The following FRMPD4 variants were observed in gnomAD, a reference collection of about 807,000 sequenced individuals.
FRMPD4 encodes the protein FERM and PDZ domain-containing protein 4.
In FRMPD4, 22 loss-of-function variants were observed where a neutral mutation model predicts 94.1. The ratio of observed to expected loss-of-function variants is 0.23; its 90% confidence interval spans 0.17 to 0.33. The LOEUF (loss-of-function observed/expected upper bound fraction) is 0.33, where lower values mean the gene tolerates loss of function less well. Among genes scored for constraint, FRMPD4 ranks in the 10% least tolerant of loss-of-function variants. FRMPD4 has a pLI of 1.00. For synonymous variants in FRMPD4, 631 were observed against 548.6 expected, an observed-to-expected ratio of 1.15 and a Z score of -2.10; for missense variants, 1,111 against 1,339.9, an observed-to-expected ratio of 0.83 and a Z score of 2.67.
At chrX:12,206,763 C>G (rs973346113) in intron 1 of FRMPD4, among the ~76,000 whole-genome samples, 3 of 111,857 alleles carry the variant, frequency 2.7e-5, no homozygotes, top group African/African-American at 9.7e-5. Context: ...AATGTTGACC[C>G]TGGGTGCATT....
At chrX:12,479,559 T>C (rs2148191995) in intron 1 of FRMPD4, among the ~76,000 whole-genome samples, 1 of 106,451 alleles carries the variant, frequency 9.4e-6, no homozygotes, top group Non-Finnish European at 1.9e-5. Flanking sequence ...TGGAGTGCAG[T>C]GGCACAATCA....
Position 11,860,429 on chromosome X carries a change from T to C in FRMPD4, c.-160-4657T>C, listed in dbSNP as rs1406558213. On this transcript the variant is annotated intron_variant, in intron 1 of 18. Transcript: ENST00000640291. The stretch of plus-strand genomic sequence containing the variant: ...TCAGGTGGTGTTTGCAATCTTGATT[T>C]ATCCCTTGCTAAGCAGAATTTTGAT... 2.7e-5 allele frequency among the ~76,000 whole-genome samples: 3 copies of C among 112,091 alleles called. No homozygotes were observed. In the South Asian group the frequency reaches 1.1e-3, roughly 41 times the overall value.
At chrX:12,241,452 G>A (rs1019025685) in intron 1 of FRMPD4, among the ~76,000 whole-genome samples, 1 of 112,294 alleles carries the variant, frequency 8.9e-6, no homozygotes, top group South Asian at 3.7e-4. Flanking sequence ...TCGAGATTTC[G>A]TGGTGAAAGC....
intron 5 of FRMPD4, among the ~76,000 whole-genome samples, chrX:12,676,895 A>C (rs1287644773): frequency 8.9e-6 from 1 of 111,983 alleles, no homozygotes. Flanking sequence ...CTCCAGAGTC[A>C]CTTTCCCCTT....
At chrX:12,585,281 C>T (rs771633103) in intron 2 of FRMPD4, among the ~76,000 whole-genome samples, 36 of 109,085 alleles carry the variant, frequency 3.3e-4, no homozygotes, top group African/African-American at 1.1e-3. Flanking sequence ...GAGTGCAGGG[C>T]GCGATCTCAG....
intron 1 of FRMPD4, among the ~76,000 whole-genome samples, chrX:12,396,966 C>G (rs371807828): frequency 9.0e-6 from 1 of 111,697 alleles, no homozygotes; most frequent in East Asian, 2.8e-4. Context: ...TGTTCATAAA[C>G]TGATCAAGAA....
chrX:11,950,889 C>T (rs2054218569), intron 3 of FRMPD4, among the ~76,000 whole-genome samples: 1 of 109,749 alleles, frequency 9.1e-6, no homozygotes, highest in Non-Finnish European at 1.9e-5. Context: ...GAAACCCTGT[C>T]TTTACTAAAA....
At chrX:11,914,433 A>G (rs61746274) in intron 3 of FRMPD4, among the ~76,000 whole-genome samples, 33,190 of 108,649 alleles carry the variant, frequency 0.31, 4,290 homozygotes, top group East Asian at 0.69. Context: ...AGAAGGGACC[A>G]TGGCAATTGT....
intron 1 of FRMPD4, among the ~76,000 whole-genome samples, chrX:12,440,600 A>C (rs1331458161): frequency 9.0e-6 from 1 of 111,336 alleles, no homozygotes; most frequent in Non-Finnish European, 1.9e-5. Flanking sequence ...TCTCTCTAGT[A>C]ATTGGCAATG....
rs757689351 is a variant in FRMPD4, at chrX:12,207,269, C to T, written c.41+68257C>T. The stretch of plus-strand genomic sequence containing the variant: ...CCTCACAATTTTTTTTATGAATATT[C>T]TATTTTAAAACCTATTAAGCCCCAA... On this transcript the variant is annotated intron_variant, in intron 1 of 16. Coordinates refer to ENST00000675598, the MANE Select transcript of FRMPD4 (RefSeq NM_001368397.1). 3.0e-4 allele frequency among the ~76,000 whole-genome samples: 33 copies of T among 111,402 alleles called. No individual in the cohort carries two copies. The South Asian group carries it at 0.012, about 39-fold the overall frequency.
chrX:11,974,906 A>G (rs2054359239), intron 3 of FRMPD4, among the ~76,000 whole-genome samples: 1 of 111,554 alleles, frequency 9.0e-6, no homozygotes, highest in Non-Finnish European at 1.9e-5. Context: ...CACTGAGTCA[A>G]AGAAGCTAGA....
At chrX:12,201,156 T>C (rs1228512167) in intron 1 of FRMPD4, among the ~76,000 whole-genome samples, 1 of 112,325 alleles carries the variant, frequency 8.9e-6, no homozygotes, top group East Asian at 2.8e-4. Flanking sequence ...TGTTTAAAAG[T>C]GTGGAATGAA....
intron 1 of FRMPD4, among the ~76,000 whole-genome samples, chrX:12,252,734 G>T (rs148239421): frequency 1.1e-3 from 118 of 111,631 alleles, no homozygotes; most frequent in African/African-American, 3.8e-3. Flanking sequence ...GTACGAGGAG[G>T]AAAAAAACTC....
rs1569068725 is a variant in FRMPD4 at position 12,710,551 on chromosome X, G to A, written c.1609+14G>A. 8.4e-7 allele frequency: 1 copy of A among 1,192,641 alleles called. No homozygotes were observed. ...CCCAGGAAACAGGTATTCTCTTCCTGAACTCATCAAGCACTGACCTCCCTG... is the reference window on the plus strand; with the variant it reads ...CCCAGGAAACAGGTATTCTCTTCCTAAACTCATCAAGCACTGACCTCCCTG... On this transcript the variant is annotated intron_variant, in intron 14 of 16. Transcript: ENST00000675598.
Position 12,138,593 on chromosome X carries a change from G to C in FRMPD4, c.-379G>C. On this transcript the variant is annotated 5_prime_UTR_variant, in exon 1 of 17. Transcript: ENST00000675598. Reference sequence around the variant, plus strand: ...CCGAGGGCCGGGAAGCCAGAGCAGCGCCTCTCGCCCAGGCCTCGCTTTCTC... The same window carrying C: ...CCGAGGGCCGGGAAGCCAGAGCAGCCCCTCTCGCCCAGGCCTCGCTTTCTC... 3.6e-6 allele frequency: 1 copy of C among 275,868 alleles called. No individual in the cohort carries two copies. Among genetic ancestry groups the C allele is most frequent in the Non-Finnish European group, 6.4e-6 (1 of 156,680 alleles). 22.7% of individuals were successfully genotyped at this position (275,868 alleles called of 1,213,427 possible). A position where few individuals can be genotyped will look rare whatever the true frequency, so the allele number is the denominator to read the frequency against.
At chrX:11,867,247 G>T (rs373965172) in intron 2 of FRMPD4, among the ~76,000 whole-genome samples, 7 of 111,605 alleles carry the variant, frequency 6.3e-5, no homozygotes, top group East Asian at 5.7e-4. Context: ...AAAACCTATA[G>T]CTTTTGAAGG....
At chrX:12,509,891 G>C (rs1427963297) in intron 2 of FRMPD4, among the ~76,000 whole-genome samples, 1 of 112,142 alleles carries the variant, frequency 8.9e-6, no homozygotes, top group Non-Finnish European at 1.9e-5. Flanking sequence ...TCTGGAAATA[G>C]TGTCGTTGCA....
intron 2 of FRMPD4, among the ~76,000 whole-genome samples, chrX:12,543,116 G>C (rs1398807949): frequency 4.5e-5 from 5 of 111,225 alleles, no homozygotes; most frequent in African/African-American, 1.6e-4. Context: ...TTACATGTTA[G>C]ACCTAAAACC....
chrX:12,204,660 TCTC>T (rs35975823), intron 1 of FRMPD4, among the ~76,000 whole-genome samples: 27,317 of 110,346 alleles, frequency 0.25, 2,679 homozygotes, highest in Non-Finnish European at 0.32. Context: ...CAGAGTCTCA[TCTC>T]CTGCCTAGAA....
Sources: gnomAD v4.1 joint callset for allele counts (sites outside exome capture counted in the v4.1 genomes callset) on GRCh38, gnomAD v4.1.1 for gene constraint, MANE v1.5 for transcripts, NCBI Gene and HGNC (gene_info 2026-07-23, HGNC 2026-07-21) for gene names.